The following DNAJC1 variants were observed in gnomAD, a reference collection of about 807,000 sequenced individuals.
DNAJC1 encodes the protein DnaJ heat shock protein family (Hsp40) member C1.
A neutral mutation model predicts 76.6 loss-of-function variants in DNAJC1; 58 were observed. The ratio of observed to expected loss-of-function variants is 0.76; its 90% confidence interval spans 0.61 to 0.94. The LOEUF (loss-of-function observed/expected upper bound fraction) is 0.94, where lower values mean the gene tolerates loss of function less well. Among genes scored for constraint, DNAJC1 ranks in the 40% least tolerant of loss-of-function variants. DNAJC1 has a pLI of 0.00. For missense variants in DNAJC1, 689 were observed against 677.3 expected (o/e 1.02, Z -0.19); for synonymous variants, 258 against 267.9 (o/e 0.96, Z 0.36).
intron 1 of DNAJC1, among the ~76,000 whole-genome samples, chr10:21,998,549 C>T (rs1233597904): frequency 1.3e-5 from 2 of 151,900 alleles, no homozygotes; most frequent in African/African-American, 4.8e-5. Context: ...ATCTTTTTTC[C>T]TACACTCCTC....
chr10:21,888,887 A>AC (rs1198318599), intron 7 of DNAJC1, among the ~76,000 whole-genome samples: 1 of 152,160 alleles, frequency 6.6e-6, no homozygotes, highest in Non-Finnish European at 1.5e-5. Context: ...ACATGAGTTT[A>AC]CCTATGTAAG....
Position 21,947,395 on chromosome 10 carries a change from G to A in DNAJC1, c.223-18254C>T, listed in dbSNP as rs563529008. Among the ~76,000 whole-genome samples the A allele has an allele frequency of 2.1e-3, 325 of 151,916 alleles. 2 individuals carry two copies. The highest frequency in any genetic ancestry group is 3.3e-3 in the Non-Finnish European group (227 of 67,978). On this transcript the variant is annotated intron_variant, in intron 1 of 11. Transcript: ENST00000376980. ...CACTTCCTCCACCTCTTCTGCCTCC[G>A]CCATCCTTGAGGCAGCAAGACTAGC...
chr10:21,776,520 C>G (rs137946376), intron 9 of DNAJC1, among the ~76,000 whole-genome samples: 34 of 152,288 alleles, frequency 2.2e-4, no homozygotes, highest in African/African-American at 8.2e-4. Flanking sequence ...GTAAGAACTA[C>G]TACAGCGTTC....
chr10:21,844,933 A>G (rs1168711356), intron 8 of DNAJC1, among the ~76,000 whole-genome samples: 1 of 152,170 alleles, frequency 6.6e-6, no homozygotes, highest in Non-Finnish European at 1.5e-5. Flanking sequence ...AGGAGGCTGG[A>G]GCAGGAGGAC....
At chr10:21,836,662 GGCAGGGGTT>G (rs1835464266) in intron 8 of DNAJC1, among the ~76,000 whole-genome samples, 1 of 152,058 alleles carries the variant, frequency 6.6e-6, no homozygotes, top group African/African-American at 2.4e-5. Flanking sequence ...AACAAAAAAA[GGCAGGGGTT>G]GCAATCCTAG....
chr10:22,001,993 T>C (rs1056987772), intron 1 of DNAJC1, among the ~76,000 whole-genome samples: 2 of 152,194 alleles, frequency 1.3e-5, no homozygotes, highest in East Asian at 3.8e-4. Context: ...AAGTGTGAAA[T>C]GCCTATACTT....
At position 21,978,996 on chromosome 10, in the gene DNAJC1, C is replaced by A. The variant is rs1838108368; in HGVS notation, c.222+24217G>T. 1.3e-5 allele frequency among the ~76,000 whole-genome samples: 2 copies of A among 151,656 alleles called. 1 individual carries two copies. The highest frequency in any genetic ancestry group is 4.2e-4 in the South Asian group (2 of 4,812). On this transcript the variant is annotated intron_variant, in intron 1 of 11. Coordinates refer to ENST00000376980, the MANE Select transcript of DNAJC1 (RefSeq NM_022365.4). ...TTTTTAATTTGAATGATCTTATATA[C>A]AATTAGTAAACAGCGGAATGATATT...
intron 9 of DNAJC1, among the ~76,000 whole-genome samples, chr10:21,769,814 G>A (rs919294079): frequency 4.6e-5 from 7 of 152,092 alleles, no homozygotes; most frequent in Admixed American, 2.0e-4. Flanking sequence ...AGCCTCCTGA[G>A]TAGCTGGGAT....
intron 1 of DNAJC1, among the ~76,000 whole-genome samples, chr10:21,944,187 T>C (rs1837468296): frequency 6.6e-6 from 1 of 151,228 alleles, no homozygotes; most frequent in Non-Finnish European, 1.5e-5. Context: ...TTTTTTCATA[T>C]TATCCTCCAA....
chr10:21,811,869 C>T (rs550999968), intron 8 of DNAJC1, among the ~76,000 whole-genome samples: 2 of 152,020 alleles, frequency 1.3e-5, no homozygotes, highest in South Asian at 2.1e-4. Flanking sequence ...CGTCTAACTT[C>T]GTAAGAAACT....
intron 9 of DNAJC1, among the ~76,000 whole-genome samples, chr10:21,792,140 T>G (rs913957383): frequency 6.6e-6 from 1 of 152,182 alleles, no homozygotes; most frequent in African/African-American, 2.4e-5. Context: ...AATAAATCCC[T>G]AGAAATTACT....
intron 9 of DNAJC1, chr10:21,785,170 G>C (rs908228075): frequency 3.9e-5 from 6 of 152,316 alleles, no homozygotes; most frequent in South Asian, 4.1e-4. Context: ...GCAGTTTGAG[G>C]GTCTGGCCTC....
intron 9 of DNAJC1, among the ~76,000 whole-genome samples, chr10:21,803,274 C>G (rs1342386619): frequency 6.6e-6 from 1 of 151,948 alleles, no homozygotes; most frequent in Non-Finnish European, 1.5e-5. Flanking sequence ...GCAAGGAAAC[C>G]CGGTCAAAGA....
chr10:21,762,145 G>C (rs768307074), intron 10 of DNAJC1, among the ~76,000 whole-genome samples: 4 of 152,110 alleles, frequency 2.6e-5, no homozygotes, highest in Non-Finnish European at 4.4e-5. Context: ...CACCATGTTG[G>C]CCAGGATGGT....
At chr10:21,786,455 TATATATATAGAGAG>T (rs1345297211) in intron 9 of DNAJC1, among the ~76,000 whole-genome samples, 172 of 56,850 alleles carry the variant, frequency 3.0e-3, no homozygotes, top group African/African-American at 5.6e-3. Context: ...TATATATATA[TATATATATAGAGAG>T]AGAGAGAGAG....
chr10:21,792,042 C>A (rs1376724149), intron 9 of DNAJC1, among the ~76,000 whole-genome samples: 1 of 150,494 alleles, frequency 6.6e-6, no homozygotes, highest in African/African-American at 2.4e-5. Context: ...AATCTGTGGT[C>A]AAAAAAAAAT....
chr10:21,904,496 T>C lies in DNAJC1; in HGVS notation c.820+26A>G, dbSNP rs371440320. On this transcript the variant is annotated intron_variant, in intron 7 of 11. Transcript: ENST00000376980. ...AAATAATTAATTTTATATGACATTG[T>C]TAAAACACTAATGTTTAAAACTCAC... is the stretch of plus-strand genomic sequence containing the variant. The C allele has an allele frequency of 3.1e-5, 43 of 1,390,182 alleles. No individual in the cohort carries two copies. In the African/African-American group the frequency reaches 6.0e-4, roughly 19 times the overall value. The allele number at this position is 1,390,182 out of a possible 1,614,324, so 86.1% of individuals were successfully genotyped here. A position where few individuals can be genotyped will look rare whatever the true frequency, so the allele number is the denominator to read the frequency against.
chr10:21,986,081 G>A (rs2131842338), intron 1 of DNAJC1, among the ~76,000 whole-genome samples: 1 of 152,234 alleles, frequency 6.6e-6, no homozygotes, highest in African/African-American at 2.4e-5. Flanking sequence ...CAAAAAATTA[G>A]CCGGGTGTGG....
At chr10:21,980,534 G>C (rs1838138561) in intron 1 of DNAJC1, among the ~76,000 whole-genome samples, 1 of 152,096 alleles carries the variant, frequency 6.6e-6, no homozygotes, top group Admixed American at 6.6e-5. Flanking sequence ...AAAGACTGAG[G>C]AACTGTCCCA....
Sources: allele counts gnomAD v4.1 joint callset (sites outside exome capture counted in the v4.1 genomes callset), GRCh38; gene constraint gnomAD v4.1.1; transcripts MANE v1.5; gene names NCBI Gene and HGNC (gene_info 2026-07-23, HGNC 2026-07-21).